The following ATP11B variants were observed in gnomAD, a reference collection of about 807,000 sequenced individuals.
ATP11B encodes the protein phospholipid-transporting ATPase IF.
Under a neutral mutation model 157.8 loss-of-function variants are expected in ATP11B, and 81 were observed. That is an observed-to-expected ratio of 0.51 (90% CI 0.43 to 0.62). The LOEUF is 0.62. Ranked by LOEUF, ATP11B falls within the 20% of genes least tolerant of loss-of-function variation. ATP11B has a pLI of 0.00. For missense variants in ATP11B, 1,165 were observed against 1,402.2 expected (o/e 0.83, Z 2.70); for synonymous variants, 451 against 469.4 (o/e 0.96, Z 0.51).
At chr3:182,881,116 A>G (rs767129456) in intron 21 of ATP11B, 135 bp downstream of exon 21, 10 of 587,534 alleles carry the variant, frequency 1.7e-5, no homozygotes, top group Middle Eastern at 3.9e-4. Context: ...TGGTAATAAT[A>G]TAGCACAGTG....
chr3:182,853,243 C>G (rs904629821), intron 10 of ATP11B, among the ~76,000 whole-genome samples: 5 of 152,134 alleles, frequency 3.3e-5, no homozygotes, highest in Admixed American at 3.3e-4. Context: ...GAGTCTCACT[C>G]TGTCACCAGG....
intron 28 of ATP11B, among the ~76,000 whole-genome samples, chr3:182,906,324 G>A (rs6443835): frequency 0.35 from 52,518 of 151,976 alleles, 10,597 homozygotes; most frequent in East Asian, 0.56. Flanking sequence ...TAATATAGTT[G>A]GATACTGAAT....
Position 182,793,793 on chromosome 3 carries a change from G to A in ATP11B, c.27+7G>A. 5.8e-6 allele frequency: 8 copies of A among 1,385,556 alleles called. No individual in the cohort carries two copies. Among genetic ancestry groups the A allele is most frequent in the Non-Finnish European group, 7.5e-6 (8 of 1,062,146 alleles). 85.8% of individuals were successfully genotyped at this position (1,385,556 alleles called of 1,614,324 possible). ...CTGGATCCGGCAGCAGCTGGTAGGTGCCCCCGCCCCTCCACCTCCATTCGT... is the reference window on the plus strand; with the variant it reads ...CTGGATCCGGCAGCAGCTGGTAGGTACCCCCGCCCCTCCACCTCCATTCGT... On this transcript the variant is annotated splice_region_variant and intron_variant, in intron 1 of 29. Transcript: ENST00000323116.
At chr3:182,824,156 G>C (rs1717566239) in intron 2 of ATP11B, among the ~76,000 whole-genome samples, 1 of 152,104 alleles carries the variant, frequency 6.6e-6, no homozygotes, top group Admixed American at 6.5e-5. Flanking sequence ...GCAAGTATTA[G>C]TATCAGTAAT....
chr3:182,822,565 C>T (rs1486185710), intron 2 of ATP11B, among the ~76,000 whole-genome samples: 2 of 152,298 alleles, frequency 1.3e-5, no homozygotes, highest in East Asian at 3.9e-4. Context: ...GTGAATAGTT[C>T]TGCAGTAAAT....
intron 14 of ATP11B, among the ~76,000 whole-genome samples, chr3:182,866,933 T>A (rs9877707): frequency 0.34 from 19,441 of 56,512 alleles, 1,530 homozygotes; most frequent in Non-Finnish European, 0.42. Flanking sequence ...ATATATATAT[T>A]TTTTTTTCTT....
rs751362703 is a variant in ATP11B, at chr3:182,845,552, T to C, written c.769+30T>C. 1.1e-5 allele frequency: 15 copies of C among 1,406,856 alleles called. No homozygotes were observed. In the South Asian group the frequency reaches 1.4e-4, roughly 13 times the overall value. 87.1% of individuals were successfully genotyped at this position (1,406,856 alleles called of 1,614,324 possible). A position where few individuals can be genotyped will look rare whatever the true frequency, so the allele number is the denominator to read the frequency against. On this transcript the variant is annotated intron_variant, in intron 9 of 29. Coordinates refer to ENST00000323116, the MANE Select transcript of ATP11B (RefSeq NM_014616.3). Reference sequence around the variant, plus strand: ...GTACATATTTAAACATTTTAAATTATTGATTTGTGTTGATGCTTTATATGA... The same window carrying C: ...GTACATATTTAAACATTTTAAATTACTGATTTGTGTTGATGCTTTATATGA...
At chr3:182,888,473 A>G (rs1560115692) in intron 24 of ATP11B, among the ~76,000 whole-genome samples, 1 of 152,184 alleles carries the variant, frequency 6.6e-6, no homozygotes, top group African/African-American at 2.4e-5. Context: ...ATAATAACAG[A>G]TAAATCAACT....
At chr3:182,917,114 G>T (rs1725190858) in intron 29 of ATP11B, 3 of 985,198 alleles carry the variant, frequency 3.0e-6, no homozygotes, top group Non-Finnish European at 2.4e-6. Flanking sequence ...CTGGGAAAGA[G>T]AAAATATTTG....
At chr3:182,847,051 T>G (rs1281306138) in intron 9 of ATP11B, among the ~76,000 whole-genome samples, 1 of 130,484 alleles carries the variant, frequency 7.7e-6, no homozygotes, top group African/African-American at 3.2e-5. Context: ...ACTTTAAAAC[T>G]TTTTTTTTTT....
At chr3:182,809,410 G>A (rs10937102) in intron 1 of ATP11B, among the ~76,000 whole-genome samples, 77,045 of 151,654 alleles carry the variant, frequency 0.51, 22,186 homozygotes, top group Non-Finnish European at 0.65. Context: ...CACCACGCCT[G>A]GCTAATTTTT....
intron 1 of ATP11B, 35 bp downstream of exon 1, chr3:182,793,821 G>GC: frequency 2.3e-6 from 3 of 1,292,278 alleles, no homozygotes; most frequent in Non-Finnish European, 3.0e-6. Flanking sequence ...CCATTCGTCC[G>GC]CCCCCGCGGG....
At chr3:182,807,382 G>C (rs964420788) in intron 1 of ATP11B, among the ~76,000 whole-genome samples, 1 of 152,158 alleles carries the variant, frequency 6.6e-6, no homozygotes, top group African/African-American at 2.4e-5. Context: ...GTCCAGCCAT[G>C]GCCATTCTCA....
chr3:182,906,475 A>T (rs1724357659), intron 28 of ATP11B, among the ~76,000 whole-genome samples: 1 of 152,114 alleles, frequency 6.6e-6, no homozygotes, highest in Admixed American at 6.5e-5. Context: ...ACAGGGCCTC[A>T]TTCCATCTCC....
rs1340997072 is a variant in ATP11B, at chr3:182,921,259, T to C, written c.*3155T>C. 6.6e-6 allele frequency: 1 copy of C among 152,230 alleles called. No individual in the cohort carries two copies. Among genetic ancestry groups the C allele is most frequent in the African/African-American group, 2.4e-5 (1 of 41,470 alleles). The allele number at this position is 152,230 out of a possible 1,614,324, so 9.4% of individuals were successfully genotyped here. A position where few individuals can be genotyped will look rare whatever the true frequency, so the allele number is the denominator to read the frequency against. ...AAAGAGTTACGTAAAACATGTTTTATTAATTTTGGTCCCCACGTACAGACA... is the reference window on the plus strand; with the variant it reads ...AAAGAGTTACGTAAAACATGTTTTACTAATTTTGGTCCCCACGTACAGACA... On this transcript the variant is annotated 3_prime_UTR_variant, in exon 30 of 30. Coordinates refer to ENST00000323116, the MANE Select transcript of ATP11B (RefSeq NM_014616.3).
chr3:182,846,526 G>T (rs1719546150), intron 9 of ATP11B, among the ~76,000 whole-genome samples: 1 of 152,176 alleles, frequency 6.6e-6, no homozygotes, highest in Non-Finnish European at 1.5e-5. Flanking sequence ...CTACAAGAAT[G>T]TTCATAGCAG....
intron 28 of ATP11B, chr3:182,902,491 A>G (rs936305054): frequency 5.4e-6 from 7 of 1,289,426 alleles, no homozygotes; most frequent in Non-Finnish European, 7.1e-6. Context: ...ATGTACTCCA[A>G]CACAGTTGCT....
chr3:182,861,336 A>G (rs1028491785), intron 12 of ATP11B, among the ~76,000 whole-genome samples: 4 of 152,192 alleles, frequency 2.6e-5, no homozygotes, highest in Non-Finnish European at 4.4e-5. Flanking sequence ...AAGTGCTGGG[A>G]TTACAGGTGT....
chr3:182,825,792 C>T (rs1358013783), intron 2 of ATP11B, among the ~76,000 whole-genome samples: 1 of 151,118 alleles, frequency 6.6e-6, no homozygotes, highest in Non-Finnish European at 1.5e-5. Flanking sequence ...CCCAGCTACT[C>T]AGGAGTCTGA....
Sources: allele counts gnomAD v4.1 joint callset (sites outside exome capture counted in the v4.1 genomes callset), GRCh38; gene constraint gnomAD v4.1.1; transcripts MANE v1.5; gene names NCBI Gene and HGNC (gene_info 2026-07-23, HGNC 2026-07-21).